The following IGSF1 variants were observed in gnomAD, a reference collection of about 807,000 sequenced individuals.
The protein encoded by IGSF1 is immunoglobulin superfamily member 1.
Under a neutral mutation model 95.3 loss-of-function variants are expected in IGSF1, and 40 were observed. That is an observed-to-expected ratio of 0.42 (90% CI 0.33 to 0.55). The LOEUF (loss-of-function observed/expected upper bound fraction) is 0.55, where lower values mean the gene tolerates loss of function less well. Among genes scored for constraint, IGSF1 ranks in the 20% least tolerant of loss-of-function variants. The pLI, the probability that IGSF1 is intolerant of heterozygous loss-of-function variation, is 0.10. For synonymous variants in IGSF1, 372 were observed against 382.9 expected (o/e 0.97, Z 0.33); for missense variants, 906 against 1,025.4 (o/e 0.88, Z 1.59).
In IGSF1 at chrX:131,281,884, G is replaced by A. The variant is rs2080566472; in HGVS notation, c.1307C>T (p.Ala436Val). The A allele has an allele frequency of 8.3e-7, 1 of 1,208,129 alleles. No individual in the cohort carries two copies. The change falls in exon 8 of 20, where the codon GCC becomes GTC. Residue 436 changes from alanine to valine, a missense_variant. Physicochemically the swap from Ala to Val is moderately conservative, Grantham distance 64. Around this residue, in one of 5 missense-constraint regions of IGSF1, gnomAD observed 442 missense variants for 448.1 expected, o/e 0.99. Coordinates refer to ENST00000361420, the MANE Select transcript of IGSF1 (RefSeq NM_001555.5). Reference protein sequence around the residue: ...WPSTVFKLGKAITLQCRVSHP... With the variant: ...WPSTVFKLGKVITLQCRVSHP... ...AGATACTCGGCACTGAAGGGTGATG[G>A]CCTTTCCTAGCTTGAACACAGTGCT...
chrX:131,286,112 C>T, intron 3 of IGSF1, 64 bp from the exon 4 acceptor site: 1 of 997,671 alleles, frequency 1.0e-6, no homozygotes, highest in South Asian at 2.3e-5. Flanking sequence ...TAACATGTCC[C>T]ACAATGTCCC....
intron 8 of IGSF1, 100 bp downstream of exon 8, chrX:131,281,566 G>T: frequency 9.9e-7 from 1 of 1,015,100 alleles, no homozygotes; most frequent in South Asian, 2.3e-5. Flanking sequence ...CAAGGGCTCT[G>T]ATTTTCAGGC....
At chrX:131,278,352 C>A (rs770311349) in intron 12 of IGSF1, 109 bp downstream of exon 12, 2 of 784,346 alleles carry the variant, frequency 2.5e-6, no homozygotes, top group Non-Finnish European at 3.7e-6. Context: ...GCAGCACGAG[C>A]CCCTTGGGCT....
Position 131,283,087 on chromosome X carries a change from A to G in IGSF1, c.845T>C (p.Phe282Ser). The change falls in exon 6 of 20, where the codon TTC becomes TCC. Residue 282 changes from phenylalanine (F) to serine (S), a missense_variant. Physicochemically the swap from Phe to Ser is radical, Grantham distance 155. Coordinates refer to ENST00000361420, the MANE Select transcript of IGSF1 (RefSeq NM_001555.5). ...ATCTTGGATCTTCAAAGACTGGAAG[A>G]AGAAATTTGCCTCATTTTTTATTGT... Reference protein sequence around the residue: ...KKTIKNEANFFFQSLKIQDTG... With the variant: ...KKTIKNEANFSFQSLKIQDTG... 8.3e-7 allele frequency: 1 copy of G among 1,209,461 alleles called. No individual in the cohort carries two copies. Among genetic ancestry groups the G allele is most frequent in the Non-Finnish European group, 1.1e-6 (1 of 893,197 alleles).
In IGSF1 at chrX:131,276,717, C is replaced by A. The variant is rs1301997126; in HGVS notation, c.2608+222G>T. 2.7e-5 allele frequency among the ~76,000 whole-genome samples: 3 copies of A among 111,876 alleles called. No individual in the cohort carries two copies. In the Admixed American group the frequency reaches 2.8e-4, roughly 11 times the overall value. On this transcript the variant is annotated intron_variant, in intron 14 of 19. Transcript: ENST00000361420. The stretch of plus-strand genomic sequence containing the variant: ...ACACCCCCATCTACCTCATTTATTT[C>A]CCCAGAAGTGAATTGCTTGCCTCCC...
In IGSF1 at chrX:131,281,671, G is replaced by A. The variant is rs1202356678; in HGVS notation, c.1520C>T (p.Pro507Leu). The A allele has an allele frequency of 4.1e-6, 5 of 1,208,682 alleles. No homozygotes were observed. Among genetic ancestry groups the A allele is most frequent in the Non-Finnish European group, 4.5e-6 (4 of 893,339 alleles). Residue 507 changes from proline to leucine, a missense_variant, in exon 8 of 20, where the codon CCA (proline) becomes CTA (leucine). Physicochemically the swap from Pro to Leu is moderately conservative, Grantham distance 98. Around this residue, in one of 5 missense-constraint regions of IGSF1, gnomAD observed 442 missense variants for 448.1 expected, o/e 0.99. Coordinates refer to ENST00000361420, the MANE Select transcript of IGSF1 (RefSeq NM_001555.5). ...HRSEPLKLMG[P>L]AGYLTWNYVL... ...CTGAAGAGTTATCCTCTCACCTGCT[G>A]GCCCCATCAGCTTCAGGGGCTCACT...
chrX:131,275,301 C>T lies in IGSF1; in HGVS notation c.3185-15G>A, dbSNP rs1262603559. On this transcript the variant is annotated splice_polypyrimidine_tract_variant and intron_variant, in intron 16 of 19. Coordinates refer to ENST00000361420, the MANE Select transcript of IGSF1 (RefSeq NM_001555.5). ...GGGGAGTAAGCCTGGAAGAAATGAA[C>T]TCCTGGTCAAAGAGAAGAGGTCACT... 8.3e-7 allele frequency: 1 copy of T among 1,206,820 alleles called. No homozygotes were observed. The highest frequency in any genetic ancestry group is 1.1e-6 in the Non-Finnish European group (1 of 891,627).
At chrX:131,279,434 C>A in intron 9 of IGSF1, 93 bp from the exon 10 acceptor site, 1 of 683,260 alleles carries the variant, frequency 1.5e-6, no homozygotes, top group Middle Eastern at 3.5e-4. Context: ...GGCTTACTCG[C>A]TACCCAATGG....
chrX:131,286,514 G>A (rs1450078694), intron 2 of IGSF1, 51 bp from the exon 3 acceptor site: 1 of 1,176,508 alleles, frequency 8.5e-7, no homozygotes, highest in Non-Finnish European at 1.2e-6. Context: ...TCTCCATCCT[G>A]TGCTCAAACC....
Position 131,289,296 on chromosome X carries a change from T to C in IGSF1, c.-150A>G, listed in dbSNP as rs760917055. Reference sequence around the variant, plus strand: ...GCAAACTGCCCGGCATGAGAAGAGCTGTCTAAGGACAGCCTCTTCGGCTCT... The same window carrying C: ...GCAAACTGCCCGGCATGAGAAGAGCCGTCTAAGGACAGCCTCTTCGGCTCT... On this transcript the variant is annotated 5_prime_UTR_variant, in exon 1 of 20. Coordinates refer to ENST00000361420, the MANE Select transcript of IGSF1 (RefSeq NM_001555.5). 5.4e-6 allele frequency: 2 copies of C among 373,699 alleles called. No homozygotes were observed. The highest frequency in any genetic ancestry group is 1.5e-4 in the East Asian group (2 of 13,273). The allele number at this position is 373,699 out of a possible 1,213,427, so 30.8% of individuals were successfully genotyped here. A position where few individuals can be genotyped will look rare whatever the true frequency, so the allele number is the denominator to read the frequency against.
Position 131,274,848 on chromosome X carries a change from A to C in IGSF1, c.3502T>G (p.Trp1168Gly). The change falls in exon 18 of 20, where the codon TGG (tryptophan) becomes GGG (glycine). Residue 1168 changes from tryptophan to glycine, a missense_variant. Trp to Gly is a radical substitution (Grantham distance 184). This residue lies in a region of IGSF1 where 411 missense variants were observed against 494.9 expected (regional missense o/e 0.83). Coordinates refer to ENST00000361420, the MANE Select transcript of IGSF1 (RefSeq NM_001555.5). ...DKPPKPSLSA[W>G]PSTMFKLGKD... ...CCTAACTTGAACATGGTGCTGGGCC[A>C]GGCTGACAGAGAGGGTTTAGGGGGC... 1 of 1,211,797 alleles carries C rather than the reference A, an allele frequency of 8.3e-7. No homozygotes were observed. Among genetic ancestry groups the C allele is most frequent in the Non-Finnish European group, 1.1e-6 (1 of 895,433 alleles).
At chrX:131,287,055 G>T in intron 1 of IGSF1, among the ~76,000 whole-genome samples, 1 of 18,078 alleles carries the variant, frequency 5.5e-5, no homozygotes, top group South Asian at 1.7e-3. Context: ...TTTCAGATAT[G>T]CATATATATA....
Position 131,281,337 on chromosome X carries a change from G to A in IGSF1, c.1527C>T (p.Gly509=). Reference sequence around the variant, plus strand: ...TCAGAACGTAATTCCAGGTGAGATAGCCTGTGGCCAGAGAAGACCAGAATC... The same window carrying A: ...TCAGAACGTAATTCCAGGTGAGATAACCTGTGGCCAGAGAAGACCAGAATC... ...SEPLKLMGPA[G]YLTWNYVLNE... The change falls in exon 9 of 20, where the codon GGC becomes GGT. Residue 509 remains glycine, a splice_region_variant and synonymous_variant. Transcript: ENST00000361420. 1 of 1,211,483 alleles carries A rather than the reference G, an allele frequency of 8.3e-7. No individual in the cohort carries two copies. Among genetic ancestry groups the A allele is most frequent in the Non-Finnish European group, 1.1e-6 (1 of 895,136 alleles).
intron 1 of IGSF1, among the ~76,000 whole-genome samples, chrX:131,288,579 G>C (rs925029345): frequency 1.8e-5 from 2 of 111,554 alleles, no homozygotes; most frequent in Non-Finnish European, 3.8e-5. Flanking sequence ...GCCTACTGGG[G>C]GATTGAGGGG....
chrX:131,275,380 T>C, intron 16 of IGSF1, 94 bp from the exon 17 acceptor site: 1 of 1,127,126 alleles, frequency 8.9e-7, no homozygotes, highest in Non-Finnish European at 1.2e-6. Context: ...AGGCAATTGG[T>C]TGCCTCTCCT....
chrX:131,281,105 C>CA (rs2080551779), intron 9 of IGSF1, 113 bp downstream of exon 9: 2 of 867,744 alleles, frequency 2.3e-6, no homozygotes, highest in Admixed American at 2.5e-5. Context: ...TCCCTAAGCC[C>CA]AGAAGATAGG....
rs926076935 is a variant in IGSF1, at chrX:131,283,155, T to G, written c.777A>C (p.Leu259=). The G allele has an allele frequency of 8.3e-7, 1 of 1,210,457 alleles. No individual in the cohort carries two copies. Among genetic ancestry groups the G allele is most frequent in the Non-Finnish European group, 1.1e-6 (1 of 894,133 alleles). ...ACTTCTCCAAGTCTTCAACCCTCAT[T>G]AGAGCAAAGGTCATTCCATAGATTG... ...QGPIYGMTFA[L]MRVEDLEKSF... Residue 259 remains leucine (L), a synonymous_variant, in exon 6 of 20, where the codon CTA becomes CTC. Coordinates refer to ENST00000361420, the MANE Select transcript of IGSF1 (RefSeq NM_001555.5).
rs909743754 is a variant in IGSF1 at position 131,275,094 on chromosome X, C to A, written c.3377G>T (p.Gly1126Val). The A allele has an allele frequency of 2.3e-5, 28 of 1,209,250 alleles. No homozygotes were observed. The highest frequency in any genetic ancestry group is 3.0e-5 in the Non-Finnish European group (27 of 894,502). Residue 1126 changes from glycine (G) to valine (V), a missense_variant, in exon 17 of 20, where the codon GGT (glycine) becomes GTT (valine). Transcript: ENST00000361420. ...ACAGCTATAGATCCCAGAGTCTTCA[C>A]CTCTCACTGCTGGCATCCAGAAGTC... ...RADFWMPAVR[G>V]EDSGIYSCVY...
At chrX:131,280,884 A>G (rs902886596) in intron 9 of IGSF1, 1 of 167,962 alleles carries the variant, frequency 6.0e-6, no homozygotes. Context: ...CAAGAGGAAA[A>G]ATCCAGAACA....
Sources: gnomAD v4.1 joint callset for allele counts (sites outside exome capture counted in the v4.1 genomes callset) on GRCh38, gnomAD v4.1.1 for gene constraint, gnomAD v4.1.1 regional missense constraint, MANE v1.5 for transcripts, NCBI Gene and HGNC (gene_info 2026-07-23, HGNC 2026-07-21) for gene names.